The following NLK variants were observed in gnomAD, a reference collection of about 807,000 sequenced individuals.
The protein encoded by NLK is nemo like kinase, also known as serine/threonine-protein kinase NLK.
Under a neutral mutation model 59.0 loss-of-function variants are expected in NLK, and 11 were observed. The ratio of observed to expected loss-of-function variants is 0.19; its 90% CI spans 0.12 to 0.31. The LOEUF (loss-of-function observed/expected upper bound fraction) is 0.31. Ranked by LOEUF, NLK falls within the 10% of genes least tolerant of loss-of-function variation. The pLI is 1.00. For synonymous variants in NLK, 235 were observed against 235.9 expected (o/e 1.00, Z 0.03); for missense variants, 410 against 661.1 (o/e 0.62, Z 4.16).
rs200588909 is a variant in NLK, at chr17:28,150,608, ACTTCTC to A, written c.645-10551_645-10546del. On this transcript the variant is annotated intron_variant, in intron 3 of 10. Transcript: ENST00000407008. Reference sequence around the variant, plus strand: ...TTTAAAACAATACAGAGACATTGTTACTTCTCTTGGGCACCTGAGACATCAGAGCTA... The same window carrying A: ...TTTAAAACAATACAGAGACATTGTTATTGGGCACCTGAGACATCAGAGCTA... 8.6e-3 allele frequency among the ~76,000 whole-genome samples: 1,307 copies of A among 152,280 alleles called. 17 individuals are homozygous for A. The highest frequency in any genetic ancestry group is 0.03 in the African/African-American group (1,229 of 41,544).
At chr17:28,051,058 C>T (rs1287749631) in intron 1 of NLK, among the ~76,000 whole-genome samples, 1 of 142,948 alleles carries the variant, frequency 7.0e-6, no homozygotes, top group Non-Finnish European at 1.5e-5. Context: ...CCAGCCCGGG[C>T]GACAGAGTCA....
intron 1 of NLK, among the ~76,000 whole-genome samples, chr17:28,094,674 CA>C (rs1388516570): frequency 2.1e-4 from 32 of 152,014 alleles, no homozygotes; most frequent in Admixed American, 6.6e-5. Flanking sequence ...GGAGGAGAGA[CA>C]AAAGCTAATA....
chr17:28,197,646 C>T (rs914072776), downstream of NLK, among the ~76,000 whole-genome samples: 2 of 152,046 alleles, frequency 1.3e-5, no homozygotes, highest in African/African-American at 4.8e-5. Context: ...GGGCTATAAT[C>T]ACCTACAATT....
rs569915271 is a variant in NLK at position 28,143,369 on chromosome 17, G to A, written c.644+10694G>A. 2.0e-5 allele frequency among the ~76,000 whole-genome samples: 3 copies of A among 152,236 alleles called. No homozygotes were observed. The East Asian group carries it at 5.8e-4, about 29-fold the overall frequency. On this transcript the variant is annotated intron_variant, in intron 3 of 10. Coordinates refer to ENST00000407008, the MANE Select transcript of NLK (RefSeq NM_016231.5). ...AGATGAAAACTTTTAAAAAAGGATTGTAGAACCTTTGACCAATATGGGACC... is the reference window on the plus strand; with the variant it reads ...AGATGAAAACTTTTAAAAAAGGATTATAGAACCTTTGACCAATATGGGACC...
At chr17:28,102,604 A>T (rs970201872) in intron 1 of NLK, among the ~76,000 whole-genome samples, 4 of 150,338 alleles carry the variant, frequency 2.7e-5, no homozygotes, top group African/African-American at 9.8e-5. Flanking sequence ...AGCCGAGATC[A>T]CACCACTGCA....
intron 3 of NLK, among the ~76,000 whole-genome samples, chr17:28,154,391 G>T (rs1907613979): frequency 6.6e-6 from 1 of 152,164 alleles, no homozygotes; most frequent in Non-Finnish European, 1.5e-5. Context: ...TTCATCCTAA[G>T]AAGAAAGATT....
intron 8 of NLK, among the ~76,000 whole-genome samples, chr17:28,186,673 CT>C (rs1423462694): frequency 6.6e-6 from 1 of 152,132 alleles, no homozygotes; most frequent in Non-Finnish European, 1.5e-5. Flanking sequence ...GGAAACACCC[CT>C]TTTTAATCTG....
chr17:28,164,369 C>CA (rs962344405), intron 5 of NLK, among the ~76,000 whole-genome samples: 1,168 of 60,978 alleles, frequency 0.019, 15 homozygotes, highest in South Asian at 0.054. Context: ...GACCCTGTCT[C>CA]AAAAAAAAAA....
chr17:28,092,138 T>C (rs1904516138), intron 1 of NLK, among the ~76,000 whole-genome samples: 1 of 152,190 alleles, frequency 6.6e-6, no homozygotes, highest in Non-Finnish European at 1.5e-5. Context: ...TCTTCCCATT[T>C]CTAATGGTAA....
At chr17:28,122,034 T>C (rs1906087282) in intron 1 of NLK, among the ~76,000 whole-genome samples, 1 of 152,178 alleles carries the variant, frequency 6.6e-6, no homozygotes, top group African/African-American at 2.4e-5. Flanking sequence ...GAGGTTATCA[T>C]TACTCGGGAG....
intron 1 of NLK, among the ~76,000 whole-genome samples, chr17:28,058,214 A>G (rs1189826408): frequency 1.3e-5 from 2 of 152,230 alleles, no homozygotes; most frequent in Admixed American, 6.5e-5. Context: ...GATGCAGCTG[A>G]TATCAGTATC....
intron 1 of NLK, among the ~76,000 whole-genome samples, chr17:28,057,422 C>CT (rs1909479750): frequency 6.6e-6 from 1 of 152,166 alleles, no homozygotes; most frequent in African/African-American, 2.4e-5. Flanking sequence ...AGTTTTAAAG[C>CT]TTGTGACTAT....
At chr17:28,102,041 CAT>C (rs1904920058) in intron 1 of NLK, among the ~76,000 whole-genome samples, 1 of 152,124 alleles carries the variant, frequency 6.6e-6, no homozygotes, top group Non-Finnish European at 1.5e-5. Flanking sequence ...TTATAGACAG[CAT>C]ATGATTGGGT....
intron 1 of NLK, among the ~76,000 whole-genome samples, chr17:28,044,485 C>T (rs1908986467): frequency 6.6e-6 from 1 of 152,176 alleles, no homozygotes; most frequent in African/African-American, 2.4e-5. Context: ...TAAGTGATCT[C>T]ATCCATTTTT....
intron 1 of NLK, among the ~76,000 whole-genome samples, chr17:28,108,425 G>A (rs2142799413): frequency 6.6e-6 from 1 of 152,148 alleles, no homozygotes; most frequent in South Asian, 2.1e-4. Context: ...ACAAGGTACA[G>A]ATATATGCAA....
rs960534453 is a variant in NLK at position 28,043,210 on chromosome 17, G to C, written c.337G>C (p.Val113Leu). Reference protein sequence around the residue: ...PGPAAAAPAQVQAAAAATVKA... With the variant: ...PGPAAAAPAQLQAAAAATVKA... ...ACCAGCTGCAGCAGCCCCAGCTCAG[G>C]TACAGGCTGCCGCAGCTGCTACAGT... Residue 113 changes from valine (V) to leucine (L), a missense_variant, in exon 1 of 11, where the codon GTA (valine) becomes CTA (leucine). Val to Leu is a conservative substitution (Grantham distance 32). Transcript: ENST00000407008. The C allele has an allele frequency of 1.2e-6, 2 of 1,613,940 alleles. No homozygotes were observed. Among genetic ancestry groups the C allele is most frequent in the Non-Finnish European group, 1.7e-6 (2 of 1,179,878 alleles).
intron 1 of NLK, among the ~76,000 whole-genome samples, chr17:28,095,230 G>T (rs2142783165): frequency 6.6e-6 from 1 of 152,250 alleles, no homozygotes; most frequent in East Asian, 1.9e-4. Flanking sequence ...TTCTGTGCTA[G>T]TCCTCCTGCT....
intron 5 of NLK, among the ~76,000 whole-genome samples, chr17:28,166,326 T>G (rs1282445233): frequency 6.6e-6 from 1 of 152,226 alleles, no homozygotes; most frequent in Non-Finnish European, 1.5e-5. Context: ...TTTCTTAAGT[T>G]GTAAAGATGG....
intron 3 of NLK, among the ~76,000 whole-genome samples, chr17:28,140,996 C>G (rs1048454874): frequency 6.6e-6 from 1 of 152,146 alleles, no homozygotes; most frequent in African/African-American, 2.4e-5. Context: ...GTTCATGGGT[C>G]CGTGTAACCC....
Sources: gnomAD v4.1 joint callset for allele counts (sites outside exome capture counted in the v4.1 genomes callset) on GRCh38, gnomAD v4.1.1 for gene constraint, MANE v1.5 for transcripts, NCBI Gene and HGNC (gene_info 2026-07-23, HGNC 2026-07-21) for gene names.